The following ELF1 variants were observed in gnomAD, a reference collection of about 807,000 sequenced individuals.
The protein encoded by ELF1 is ETS-related transcription factor Elf-1.
Under a neutral mutation model 59.9 loss-of-function variants are expected in ELF1, and 24 were observed. The observed-to-expected ratio is 0.40, with a 90% CI of 0.29 to 0.56. The LOEUF is 0.56. Among genes scored for constraint, ELF1 ranks in the 20% least tolerant of loss-of-function variants. The pLI is 0.44. For synonymous variants in ELF1, 248 were observed against 266.2 expected (o/e 0.93, Z 0.67); for missense variants, 627 against 742.2 (o/e 0.84, Z 1.80).
At chr13:41,020,853 TAAC>T (rs1875659577), upstream of ELF1, among the ~76,000 whole-genome samples, 1 of 152,118 alleles carries the variant, frequency 6.6e-6, no homozygotes, top group South Asian at 2.1e-4. Flanking sequence ...AATGTAAACC[TAAC>T]AATTTGATTA....
At chr13:41,041,234 G>GA (rs1876594188) in intron 1 of ELF1, among the ~76,000 whole-genome samples, 1 of 73,020 alleles carries the variant, frequency 1.4e-5, no homozygotes, top group Non-Finnish European at 2.8e-5. Flanking sequence ...TTTACAGTAA[G>GA]AAAAAAAGGA....
chr13:40,976,434 C>G (rs1872907718), intron 2 of ELF1, among the ~76,000 whole-genome samples: 1 of 152,180 alleles, frequency 6.6e-6, no homozygotes, highest in South Asian at 2.1e-4. Context: ...TCTCAGTATC[C>G]ACAGCACTTT....
chr13:41,017,099 A>C (rs114124418), intron 1 of ELF1, among the ~76,000 whole-genome samples: 2,187 of 150,668 alleles, frequency 0.015, 35 homozygotes, highest in East Asian at 0.049. Context: ...GAACAAAAAA[A>C]TTCTAACAGT....
chr13:40,957,810 G>A (rs1871548401), intron 3 of ELF1, among the ~76,000 whole-genome samples: 1 of 152,166 alleles, frequency 6.6e-6, no homozygotes, highest in South Asian at 2.1e-4. Context: ...TAACAGTGGG[G>A]CCTCTCCCCC....
chr13:40,959,084 G>C, intron 2 of ELF1, 68 bp from the exon 3 acceptor site: 1 of 1,493,678 alleles, frequency 6.7e-7, no homozygotes. Context: ...GTTAAATAAT[G>C]CTCAAAACTA....
At position 41,057,560 on chromosome 13, in the gene ELF1, C is replaced by G. The variant is rs187058594; in HGVS notation, c.-229+3278G>C. Among the ~76,000 whole-genome samples the G allele has an allele frequency of 1.6e-3, 238 of 152,180 alleles. 1 individual carries two copies. Among genetic ancestry groups the G allele is most frequent in the Non-Finnish European group, 2.2e-4 (15 of 68,012 alleles). Reference sequence around the variant, plus strand: ...GATACAGGTGCAGCGGGTGCCACCACGCCTGGCTAATTTTTTGTATTTTTG... The same window carrying G: ...GATACAGGTGCAGCGGGTGCCACCAGGCCTGGCTAATTTTTTGTATTTTTG... On this transcript the variant is annotated intron_variant, in intron 1 of 1. Transcript: ENST00000405737.
At chr13:40,996,792 TA>T (rs1566184280) in intron 1 of ELF1, among the ~76,000 whole-genome samples, 3 of 151,928 alleles carry the variant, frequency 2.0e-5, no homozygotes, top group African/African-American at 7.2e-5. Flanking sequence ...TTTTTTTTTT[TA>T]AACTATAGCT....
chr13:41,061,283 A>G (rs1437583596), exon 1 of ELF1: 1 of 318,316 alleles, frequency 3.1e-6, no homozygotes, highest in South Asian at 3.6e-5. Context: ...TAGAAGGAGG[A>G]TGGAGGTTTT....
intron 1 of ELF1, among the ~76,000 whole-genome samples, chr13:41,046,564 G>C (rs968152741): frequency 1.3e-5 from 2 of 152,190 alleles, no homozygotes; most frequent in Non-Finnish European, 2.9e-5. Flanking sequence ...GGCTGGATAT[G>C]AAATTCTGGG....
intron 1 of ELF1, among the ~76,000 whole-genome samples, chr13:40,987,187 C>T (rs1442958445): frequency 3.3e-5 from 5 of 150,420 alleles, no homozygotes; most frequent in Non-Finnish European, 7.4e-5. Context: ...CCACCCGCCT[C>T]GGCCTCCCAA....
At chr13:41,002,112 G>C (rs1874483308) in intron 1 of ELF1, among the ~76,000 whole-genome samples, 1 of 152,028 alleles carries the variant, frequency 6.6e-6, no homozygotes, top group Admixed American at 6.6e-5. Context: ...GAAAATCTGG[G>C]GGGGAAATAG....
chr13:40,995,952 T>C (rs1162426416), intron 1 of ELF1, among the ~76,000 whole-genome samples: 2 of 151,622 alleles, frequency 1.3e-5, no homozygotes, highest in African/African-American at 4.9e-5. Context: ...AGGACTGTTA[T>C]CTAAAATATG....
At chr13:40,993,143 G>A in intron 1 of ELF1, 2 of 1,542,824 alleles carry the variant, frequency 1.3e-6, no homozygotes, top group Non-Finnish European at 1.8e-6. Context: ...CTAGGACCTG[G>A]ATACTCTCCA....
In ELF1 at chr13:40,933,788, C is replaced by T. The variant is rs1389961820; in HGVS notation, c.1497G>A (p.Leu499=). 1 of 1,614,234 alleles carries T rather than the reference C, an allele frequency of 6.2e-7. No homozygotes were observed. The highest frequency in any genetic ancestry group is 1.3e-5 in the African/African-American group (1 of 75,058). Residue 499 remains leucine, a synonymous_variant, in exon 9 of 9, where the codon TTG becomes TTA. Coordinates refer to ENST00000239882, the MANE Select transcript of ELF1 (RefSeq NM_172373.4). ...GGACCTGCTGAACCTGGGCAGGGCCCAAGACAATTGAAGGAGGAGAGCCCG... is the reference window on the plus strand; with the variant it reads ...GGACCTGCTGAACCTGGGCAGGGCCTAAGACAATTGAAGGAGGAGAGCCCG... The part of the protein sequence containing the change: ...QKAGSPPSIV[L]GPAQVQQVLT...
chr13:41,042,210 G>A (rs906922047), intron 1 of ELF1, among the ~76,000 whole-genome samples: 1 of 151,794 alleles, frequency 6.6e-6, no homozygotes, highest in Non-Finnish European at 1.5e-5. Context: ...TTTAGTAAAG[G>A]CAAAGTTTCA....
At chr13:41,057,214 C>T (rs1376207276) in intron 1 of ELF1, among the ~76,000 whole-genome samples, 4 of 148,138 alleles carry the variant, frequency 2.7e-5, no homozygotes, top group Non-Finnish European at 4.4e-5. Context: ...TGGAGTGTAG[C>T]GGCAACATCA....
At chr13:41,039,690 C>T (rs1296857296) in intron 1 of ELF1, among the ~76,000 whole-genome samples, 4 of 152,198 alleles carry the variant, frequency 2.6e-5, no homozygotes, top group Non-Finnish European at 4.4e-5. Context: ...TACTGAAACA[C>T]TGCTCAATGA....
At chr13:41,030,124 TG>T (rs2138405298) in intron 1 of ELF1, among the ~76,000 whole-genome samples, 1 of 151,890 alleles carries the variant, frequency 6.6e-6, no homozygotes, top group Admixed American at 6.5e-5. Context: ...AAAGCAACAA[TG>T]ACAGACTCTT....
chr13:41,014,558 T>C (rs979791410), intron 1 of ELF1, among the ~76,000 whole-genome samples: 16 of 152,146 alleles, frequency 1.1e-4, no homozygotes, highest in African/African-American at 3.1e-4. Flanking sequence ...ACAGCTCATT[T>C]GACAAGACAC....
Sources: allele counts gnomAD v4.1 joint callset (sites outside exome capture counted in the v4.1 genomes callset), GRCh38; gene constraint gnomAD v4.1.1; transcripts MANE v1.5; gene names NCBI Gene and HGNC (gene_info 2026-07-23, HGNC 2026-07-21).